EBPL: variants seen among roughly 807,000 people sequenced by gnomAD.
EBPL encodes emopamil-binding protein-like.
A neutral mutation model predicts 19.0 loss-of-function variants in EBPL; 20 were observed. The observed-to-expected ratio is 1.05, with a 90% confidence interval of 0.74 to 1.53. The LOEUF is 1.53. EBPL is among the 40% of genes most tolerant of loss of function. The pLI is 0.00. For missense variants in EBPL, 219 were observed against 261.1 expected (o/e 0.84, Z 1.11); for synonymous variants, 107 against 117.0 (o/e 0.91, Z 0.55).
chr13:49,685,756 C>T (rs1243515944), intron 1 of EBPL, among the ~76,000 whole-genome samples: 1 of 151,988 alleles, frequency 6.6e-6, no homozygotes, highest in Non-Finnish European at 1.5e-5. Context: ...GCCTGTAGTA[C>T]CAGCTACTCG....
chr13:49,671,451 T>A (rs1227207554), intron 1 of EBPL, among the ~76,000 whole-genome samples: 2 of 152,192 alleles, frequency 1.3e-5, no homozygotes, highest in East Asian at 1.9e-4. Context: ...AAAAATCATA[T>A]CCCTTAAAGG....
At chr13:49,689,342 T>C (rs1954035004) in intron 1 of EBPL, among the ~76,000 whole-genome samples, 2 of 152,208 alleles carry the variant, frequency 1.3e-5, no homozygotes, top group Non-Finnish European at 2.9e-5. Context: ...GTCTAAGGTA[T>C]GTTAAACATT....
chr13:49,683,293 G>A (rs1320269134), intron 1 of EBPL, among the ~76,000 whole-genome samples: 4 of 151,880 alleles, frequency 2.6e-5, no homozygotes, highest in Non-Finnish European at 2.9e-5. Context: ...TTGGGAGGCC[G>A]AGGCGGGCAG....
chr13:49,670,008 T>C (rs1467092393), intron 1 of EBPL, among the ~76,000 whole-genome samples, 162 bp from the exon 2 acceptor site: 14 of 152,200 alleles, frequency 9.2e-5, no homozygotes, highest in Non-Finnish European at 1.6e-4. Flanking sequence ...GATACAATCT[T>C]GGGACCTGGT....
At chr13:49,690,231 CT>C (rs1267720474) in intron 1 of EBPL, among the ~76,000 whole-genome samples, 5 of 151,358 alleles carry the variant, frequency 3.3e-5, no homozygotes, top group Non-Finnish European at 7.4e-5. Flanking sequence ...TTCACTGTCC[CT>C]TATCTCTACA....
At chr13:49,678,621 G>A (rs1050389897) in intron 1 of EBPL, among the ~76,000 whole-genome samples, 2 of 152,022 alleles carry the variant, frequency 1.3e-5, no homozygotes, top group African/African-American at 4.8e-5. Flanking sequence ...AACTCTGCCC[G>A]GGAGCGCCGT....
chr13:49,678,002 C>CAA (rs1374385552), intron 1 of EBPL, among the ~76,000 whole-genome samples: 1 of 140,124 alleles, frequency 7.1e-6, no homozygotes, highest in Non-Finnish European at 1.6e-5. Flanking sequence ...AGCTAAAGAA[C>CAA]AAAGACTCCA....
intron 1 of EBPL, among the ~76,000 whole-genome samples, 162 bp downstream of exon 1, chr13:49,691,091 GC>G (rs1263962683): frequency 8.5e-5 from 13 of 152,216 alleles, no homozygotes; most frequent in Non-Finnish European, 2.9e-5. Flanking sequence ...CAGAACTCCG[GC>G]CGCCGCGGCC....
At chr13:49,681,955 A>G (rs1022538590) in intron 1 of EBPL, among the ~76,000 whole-genome samples, 3 of 152,212 alleles carry the variant, frequency 2.0e-5, no homozygotes, top group African/African-American at 7.2e-5. Context: ...GCATTTGCAA[A>G]TCTGACTCAC....
intron 2 of EBPL, among the ~76,000 whole-genome samples, chr13:49,666,875 C>T (rs573379406): frequency 2.5e-4 from 35 of 142,644 alleles, no homozygotes; most frequent in African/African-American, 8.6e-4. Flanking sequence ...GGAGACAGAG[C>T]GAGACTCTGT....
At chr13:49,667,142 CGCATCTCCCTGTG>C (rs979589165) in intron 2 of EBPL, among the ~76,000 whole-genome samples, 4 of 152,118 alleles carry the variant, frequency 2.6e-5, no homozygotes, top group Non-Finnish European at 5.9e-5. Flanking sequence ...CCAGTCCCAG[CGCATCTCCCTGTG>C]GCATCTCCCT....
rs565741670 is a variant in EBPL, at chr13:49,668,343, G to A, written c.241+1434C>T. ...AACCCCAGCACTTTGGGAGGCCGAG[G>A]TGGGCAGATCACGAGGTCAGGAGAT... On this transcript the variant is annotated intron_variant, in intron 2 of 3. Coordinates refer to ENST00000242827, the MANE Select transcript of EBPL (RefSeq NM_032565.5). 5 of 220,368 alleles carry A rather than the reference G, an allele frequency of 2.3e-5. No homozygotes were observed. The East Asian group carries it at 8.4e-4, about 37-fold the overall frequency. The allele number at this position is 220,368 out of a possible 1,614,324, so 13.7% of individuals were successfully genotyped here.
chr13:49,667,160 CTCCCTCTGGCAG>C (rs1295399009), intron 2 of EBPL, among the ~76,000 whole-genome samples: 1 of 152,186 alleles, frequency 6.6e-6, no homozygotes, highest in Admixed American at 6.5e-5. Flanking sequence ...CCTGTGGCAT[CTCCCTCTGGCAG>C]TCCCTCTGGC....
intron 1 of EBPL, among the ~76,000 whole-genome samples, chr13:49,673,420 T>C (rs932189635): frequency 1.3e-5 from 2 of 152,168 alleles, no homozygotes; most frequent in African/African-American, 4.8e-5. Flanking sequence ...GCTTACATAA[T>C]GGTTACATTT....
rs763150520 is a variant in EBPL, at chr13:49,691,425, G to A, written c.-1C>T. ...CCCCCAGCTCCCACTCAGCGCCCAT[G>A]CTTCAGGCTTCCGACGCCAACGGCC... On this transcript the variant is annotated 5_prime_UTR_variant, in exon 1 of 4. Coordinates refer to ENST00000242827, the MANE Select transcript of EBPL (RefSeq NM_032565.5). 7.5e-7 allele frequency: 1 copy of A among 1,337,044 alleles called. No homozygotes were observed. The allele number at this position is 1,337,044 out of a possible 1,614,324, so 82.8% of individuals were successfully genotyped here.
intron 2 of EBPL, among the ~76,000 whole-genome samples, chr13:49,665,113 CT>C (rs71078878): frequency 0.53 from 68,987 of 130,404 alleles, 16,290 homozygotes; most frequent in East Asian, 0.73. Context: ...TTGACCAAGT[CT>C]TTTTTTTTTT....
chr13:49,674,163 G>C (rs1953850895), intron 1 of EBPL, among the ~76,000 whole-genome samples: 1 of 152,080 alleles, frequency 6.6e-6, no homozygotes. Context: ...GAGTGCAGTG[G>C]TGCGACCTTG....
At chr13:49,690,173 CAA>C (rs1332181431) in intron 1 of EBPL, among the ~76,000 whole-genome samples, 6 of 96,424 alleles carry the variant, frequency 6.2e-5, no homozygotes, top group East Asian at 3.3e-4. Context: ...AAAAAAAAGA[CAA>C]AAAAAAAAAA....
At chr13:49,661,820 CT>C in intron 3 of EBPL, 1 of 1,545,796 alleles carries the variant, frequency 6.5e-7, no homozygotes, top group East Asian at 2.4e-5. Flanking sequence ...TTAAATAAGA[CT>C]TCTTCATTAC....
Sources: allele counts gnomAD v4.1 joint callset (sites outside exome capture counted in the v4.1 genomes callset), GRCh38; gene constraint gnomAD v4.1.1; transcripts MANE v1.5; gene names NCBI Gene and HGNC (gene_info 2026-07-23, HGNC 2026-07-21).